TTYH2: variants seen among roughly 807,000 people sequenced by gnomAD.
TTYH2 encodes the protein protein tweety homolog 2.
A neutral mutation model predicts 68.3 loss-of-function variants in TTYH2; 49 were observed. The ratio of observed to expected loss-of-function variants is 0.72; its 90% CI spans 0.57 to 0.91. TTYH2 has a LOEUF of 0.91. TTYH2 is among the 40% of genes least tolerant of loss of function. The pLI is 0.00. For missense variants in TTYH2, 631 were observed against 700.4 expected (o/e 0.90, Z 1.12); for synonymous variants, 272 against 300.8 (o/e 0.90, Z 0.99).
intron 12 of TTYH2, 48 bp downstream of exon 12, chr17:74,253,314 A>T: frequency 1.3e-6 from 2 of 1,520,166 alleles, no homozygotes; most frequent in African/African-American, 2.8e-5. Flanking sequence ...CCCGGACAGC[A>T]TGTTGGGTGG....
Position 74,241,262 on chromosome 17 carries a change from C to CGTGTGTGTGTGTGTGT in TTYH2, c.636-2092_636-2077dup. 6.9e-6 allele frequency among the ~76,000 whole-genome samples: 1 copy of CGTGTGTGTGTGTGTGT among 144,796 alleles called. No homozygotes were observed. Among genetic ancestry groups the CGTGTGTGTGTGTGTGT allele is most frequent in the African/African-American group, 2.6e-5 (1 of 39,010 alleles). The allele number at this position is 144,796 out of a possible 152,430, so 95.0% of individuals were successfully genotyped here. On this transcript the variant is annotated intron_variant, in intron 4 of 13. Transcript: ENST00000269346. The surrounding 1 kb of genome is among the most constrained non-coding windows in gnomAD (Gnocchi z 4.1). ...ATAGACAGACCCGGTATTTATAATA[C>CGTGTGTGTGTGTGTGT]GTGTGTGTGTGTGTGTGTGTGTGTG...
chr17:74,261,223 C>T lies in TTYH2; in HGVS notation c.*1014C>T, dbSNP rs1040081998. On this transcript the variant is annotated 3_prime_UTR_variant, in exon 14 of 14. Coordinates refer to ENST00000269346, the MANE Select transcript of TTYH2 (RefSeq NM_032646.6). ...CTTAAATAAGGATCAGTGAGGCATCCTGTCCCAAGCTACTGTTTGGTGGGG... is the reference window on the plus strand; with the variant it reads ...CTTAAATAAGGATCAGTGAGGCATCTTGTCCCAAGCTACTGTTTGGTGGGG... 9.9e-5 allele frequency: 15 copies of T among 152,212 alleles called. No individual in the cohort carries two copies. Among genetic ancestry groups the T allele is most frequent in the African/African-American group, 3.6e-4 (15 of 41,436 alleles). The allele number at this position is 152,212 out of a possible 1,614,324, so 9.4% of individuals were successfully genotyped here.
chr17:74,230,000 G>A (rs535241383), intron 2 of TTYH2, among the ~76,000 whole-genome samples: 5 of 152,186 alleles, frequency 3.3e-5, no homozygotes, highest in South Asian at 2.1e-4. Flanking sequence ...GCGTGGTGGC[G>A]GACACCTGTA....
rs754983079 is a variant in TTYH2 at position 74,249,070 on chromosome 17, G to C, written c.864G>C (p.Gln288His). The C allele has an allele frequency of 3.1e-6, 5 of 1,614,220 alleles. No individual in the cohort carries two copies. The highest frequency in any genetic ancestry group is 4.2e-6 in the Non-Finnish European group (5 of 1,180,034). Reference protein sequence around the residue: ...DTFILNVTEGQISTEVTRYYL... With the variant: ...DTFILNVTEGHISTEVTRYYL... ...TCATCCTGAACGTCACGGAGGGCCA[G>C]ATCAGCACAGGTAACTACACACTCT... is the stretch of plus-strand genomic sequence containing the variant. The change falls in exon 7 of 14, where the codon CAG becomes CAC. Residue 288 changes from glutamine (Q) to histidine (H), a missense_variant. Coordinates refer to ENST00000269346, the MANE Select transcript of TTYH2 (RefSeq NM_032646.6).
rs144526013 is a variant in TTYH2, at chr17:74,230,929, A to G, written c.344A>G (p.Asn115Ser). 3.1e-6 allele frequency: 5 copies of G among 1,614,104 alleles called. No homozygotes were observed. The East Asian group carries it at 6.7e-5, about 22-fold the overall frequency. The part of the protein sequence containing the change: ...GVGFYGNSET[N>S]DGAYQLMYSL... ...GGTTTCTATGGAAACAGCGAGACCA[A>G]CGATGGGGCGTACCAGCTGATGTAC... Residue 115 changes from asparagine to serine, a missense_variant, in exon 3 of 14, where the codon AAC becomes AGC. Asn to Ser is a conservative substitution (Grantham distance 46). Coordinates refer to ENST00000269346, the MANE Select transcript of TTYH2 (RefSeq NM_032646.6).
chr17:74,255,154 G>T (rs575676876), intron 13 of TTYH2, among the ~76,000 whole-genome samples: 1 of 152,374 alleles, frequency 6.6e-6, no homozygotes, highest in East Asian at 1.9e-4. Context: ...AAGGTTCAGG[G>T]ACACGGACTC....
chr17:74,252,498 C>CG (rs2050644216), intron 11 of TTYH2, 122 bp downstream of exon 11: 1 of 1,249,714 alleles, frequency 8.0e-7, no homozygotes. Flanking sequence ...GCAGAGGGCC[C>CG]GGGCATTCAG....
chr17:74,235,895 CAAAAAAA>C (rs538914752), intron 3 of TTYH2, among the ~76,000 whole-genome samples: 1 of 55,126 alleles, frequency 1.8e-5, no homozygotes, highest in East Asian at 4.7e-4. Context: ...GACTCCATCT[CAAAAAAA>C]AAAAAAAAAC....
At chr17:74,243,777 G>T (rs2050526236) in intron 5 of TTYH2, among the ~76,000 whole-genome samples, 200 bp from the exon 6 acceptor site, 1 of 152,174 alleles carries the variant, frequency 6.6e-6, no homozygotes, top group African/African-American at 2.4e-5. Flanking sequence ...CCCTTAGCCT[G>T]TGCTCTCACG....
Position 74,217,894 on chromosome 17 carries a change from T to G in TTYH2, c.129+4178T>G, listed in dbSNP as rs2050236538. 6.6e-6 allele frequency among the ~76,000 whole-genome samples: 1 copy of G among 151,900 alleles called. No homozygotes were observed. On this transcript the variant is annotated intron_variant, in intron 1 of 13. Coordinates refer to ENST00000269346, the MANE Select transcript of TTYH2 (RefSeq NM_032646.6). The surrounding 1 kb of genome is among the most constrained non-coding windows in gnomAD (Gnocchi z 4.0). ...CCCTTTGATGAGGGGAGAGGCAGAG[T>G]CTGAGCACCAGTGTGGGAGCTGGGG...
rs552209798 is a variant in TTYH2, at chr17:74,239,156, C to G, written c.635+1642C>G. On this transcript the variant is annotated intron_variant, in intron 4 of 13. Transcript: ENST00000269346. This position sits in a 1 kb window ranked among gnomAD's most constrained non-coding sequence, Gnocchi z 5.3. ...CCCATTTGCCAAATCCCAGCCTAGC[C>G]AGAGGCACTGGACACAATCGGCGGA... 5.9e-5 allele frequency among the ~76,000 whole-genome samples: 9 copies of G among 152,356 alleles called. No individual in the cohort carries two copies. Among genetic ancestry groups the G allele is most frequent in the African/African-American group, 1.7e-4 (7 of 41,588 alleles).
intron 2 of TTYH2, among the ~76,000 whole-genome samples, chr17:74,229,197 G>C (rs1040958643): frequency 7.2e-5 from 11 of 152,132 alleles, no homozygotes; most frequent in African/African-American, 2.7e-4. Flanking sequence ...ACAATTCCTG[G>C]AGGTGTCAAG....
rs75937475 is a variant in TTYH2 at position 74,249,556 on chromosome 17, C to T, written c.930+157C>T. ...TCTGTGAGGGGGGCGTGCTTTTGGT[C>T]GTGGGTTCTAGATTGGTGGTTAACA... On this transcript the variant is annotated intron_variant, in intron 8 of 13. Coordinates refer to ENST00000269346, the MANE Select transcript of TTYH2 (RefSeq NM_032646.6). Among the ~76,000 whole-genome samples the T allele has an allele frequency of 0.015, 2,345 of 152,252 alleles. 161 individuals carry two copies. The East Asian group carries it at 0.22, about 14-fold the overall frequency.
intron 2 of TTYH2, among the ~76,000 whole-genome samples, chr17:74,224,245 A>G: frequency 6.6e-6 from 1 of 152,134 alleles, no homozygotes. Flanking sequence ...CCTCACCTCT[A>G]CAAAAATGAG....
chr17:74,230,890 C>T lies in TTYH2; in HGVS notation c.305C>T (p.Ala102Val). The T allele has an allele frequency of 6.2e-7, 1 of 1,614,028 alleles. No homozygotes were observed. Among genetic ancestry groups the T allele is most frequent in the Non-Finnish European group, 8.5e-7 (1 of 1,179,918 alleles). Residue 102 changes from alanine to valine, a missense_variant and splice_region_variant, in exon 3 of 14, where the codon GCT (alanine) becomes GTT (valine). Transcript: ENST00000269346. ...TCTGTTTGGGATCTTGCTTATAGTG[C>T]TGCGGTGGGCGTTGGTTTCTATGGA... Reference protein sequence around the residue: ...TAVVAGLICCAAVGVGFYGNS... With the variant: ...TAVVAGLICCVAVGVGFYGNS...
At position 74,213,811 on chromosome 17, in the gene TTYH2, C is replaced by G. The variant is rs2050195628; in HGVS notation, c.129+95C>G. 1 of 1,448,308 alleles carries G rather than the reference C, an allele frequency of 6.9e-7. No individual in the cohort carries two copies. The highest frequency in any genetic ancestry group is 1.9e-5 in the Admixed American group (1 of 52,046). The allele number at this position is 1,448,308 out of a possible 1,614,324, so 89.7% of individuals were successfully genotyped here. ...AGAGCCTGCACTTTCCCACGTGCCT[C>G]TCAGACCCCTTCTCTCCCCGCGCAG... On this transcript the variant is annotated intron_variant, in intron 1 of 13. Coordinates refer to ENST00000269346, the MANE Select transcript of TTYH2 (RefSeq NM_032646.6). This position sits in a 1 kb window ranked among gnomAD's most constrained non-coding sequence, Gnocchi z 6.1.
At chr17:74,259,073 A>G (rs1401549418) in intron 13 of TTYH2, among the ~76,000 whole-genome samples, 1 of 152,188 alleles carries the variant, frequency 6.6e-6, no homozygotes, top group African/African-American at 2.4e-5. Flanking sequence ...TCCACTGCCA[A>G]GGACGAGTAA....
At chr17:74,248,521 G>T (rs2050584625) in intron 6 of TTYH2, 1 of 993,902 alleles carries the variant, frequency 1.0e-6, no homozygotes, top group African/African-American at 1.7e-5. Context: ...TTTAGAAAGA[G>T]TTTGGGGGAG....
At position 74,237,436 on chromosome 17, in the gene TTYH2, C is replaced by T. The variant is rs199767034; in HGVS notation, c.557C>T (p.Ser186Leu). The T allele has an allele frequency of 1.6e-5, 26 of 1,614,106 alleles. No homozygotes were observed. The East Asian group carries it at 5.8e-4, about 36-fold the overall frequency. Residue 186 changes from serine (S) to leucine (L), a missense_variant, in exon 4 of 14, where the codon TCA (serine) becomes TTA (leucine). Ser to Leu is a moderately radical substitution (Grantham distance 145). Transcript: ENST00000269346. Reference protein sequence around the residue: ...QMAGSVVVQLSGLPVWREVTM... With the variant: ...QMAGSVVVQLLGLPVWREVTM... ...GCGGGCAGCGTTGTTGTTCAGCTCT[C>T]AGGACTGCCCGTGTGGAGGGAGGTC... is the stretch of plus-strand genomic sequence containing the variant.
Sources: allele counts gnomAD v4.1 joint callset (sites outside exome capture counted in the v4.1 genomes callset), GRCh38; gene constraint gnomAD v4.1.1; non-coding constraint Gnocchi (gnomAD v3.1); transcripts MANE v1.5; gene names NCBI Gene and HGNC (gene_info 2026-07-23, HGNC 2026-07-21).